The following ADAMTS19 variants were observed in gnomAD, a reference collection of about 807,000 sequenced individuals.
ADAMTS19 encodes the protein A disintegrin and metalloproteinase with thrombospondin motifs 19.
ADAMTS19 carries 93 observed loss-of-function variants against 153.3 expected under a neutral mutation model. The observed-to-expected ratio is 0.61, with a 90% confidence interval of 0.51 to 0.72. The LOEUF is 0.72. Among genes scored for constraint, ADAMTS19 ranks in the 30% least tolerant of loss-of-function variants. ADAMTS19 has a pLI of 0.00. For synonymous variants in ADAMTS19, 600 were observed against 556.6 expected, an observed-to-expected ratio of 1.08 and a Z score of -1.10; for missense variants, 1,482 against 1,552.1, an observed-to-expected ratio of 0.95 and a Z score of 0.76.
At chr5:129,589,661 A>G (rs1750001416) in intron 7 of ADAMTS19, among the ~76,000 whole-genome samples, 1 of 152,046 alleles carries the variant, frequency 6.6e-6, no homozygotes, top group Non-Finnish European at 1.5e-5. Context: ...GTGAACTTCA[A>G]ACTCTCTCTC....
chr5:129,670,248 C>T (rs1200111017), intron 16 of ADAMTS19, among the ~76,000 whole-genome samples: 1 of 152,112 alleles, frequency 6.6e-6, no homozygotes, highest in Admixed American at 6.6e-5. Context: ...TAATGTCAAT[C>T]TCCATTGTTA....
intron 8 of ADAMTS19, among the ~76,000 whole-genome samples, chr5:129,606,500 T>C (rs558458404): frequency 6.6e-6 from 1 of 152,350 alleles, no homozygotes; most frequent in South Asian, 2.1e-4. Context: ...ACTCTTGCAG[T>C]ATCCACTTAA....
At chr5:129,622,444 A>C in intron 10 of ADAMTS19, 96 bp downstream of exon 10, 1 of 1,358,922 alleles carries the variant, frequency 7.4e-7, no homozygotes, top group Non-Finnish European at 1.0e-6. Context: ...TGTGGATCAA[A>C]AGCACCCCAA....
intron 9 of ADAMTS19, among the ~76,000 whole-genome samples, chr5:129,621,178 TAATA>T (rs1751762224): frequency 1.3e-5 from 2 of 152,294 alleles, no homozygotes; most frequent in African/African-American, 4.8e-5. Flanking sequence ...GTTTTTTCAT[TAATA>T]AATAGTTTCC....
intron 2 of ADAMTS19, among the ~76,000 whole-genome samples, chr5:129,465,143 C>A (rs376047909): frequency 9.2e-5 from 14 of 152,246 alleles, no homozygotes; most frequent in Admixed American, 7.2e-4. Context: ...CAACACTTTA[C>A]TTTTTAGTTG....
intron 2 of ADAMTS19, among the ~76,000 whole-genome samples, chr5:129,466,176 C>T (rs1049472285): frequency 1.3e-5 from 2 of 152,148 alleles, no homozygotes; most frequent in African/African-American, 4.8e-5. Flanking sequence ...TCTCTACTCT[C>T]AAAAGATGAG....
At chr5:129,521,881 A>T (rs1246732430) in intron 3 of ADAMTS19, among the ~76,000 whole-genome samples, 1 of 152,170 alleles carries the variant, frequency 6.6e-6, no homozygotes, top group Non-Finnish European at 1.5e-5. Flanking sequence ...TATTACTAAA[A>T]GTAAGAAAGG....
At chr5:129,665,630 T>A in intron 16 of ADAMTS19, 51 bp downstream of exon 16, 1 of 1,388,722 alleles carries the variant, frequency 7.2e-7, no homozygotes, top group Non-Finnish European at 1.0e-6. Context: ...CCCAACTCCC[T>A]GCCCTGAGAG....
chr5:129,571,995 A>G (rs951658019), intron 7 of ADAMTS19, among the ~76,000 whole-genome samples: 4 of 151,966 alleles, frequency 2.6e-5, no homozygotes, highest in African/African-American at 9.7e-5. Flanking sequence ...AATACAAAAT[A>G]GACTATTAAT....
intron 18 of ADAMTS19, among the ~76,000 whole-genome samples, chr5:129,686,318 G>A (rs1009554249): frequency 3.9e-5 from 6 of 152,078 alleles, no homozygotes; most frequent in Non-Finnish European, 8.8e-5. Flanking sequence ...GGAATATAAA[G>A]ATATGGGGGC....
At chr5:129,509,367 A>C (rs1751362383) in intron 3 of ADAMTS19, 125 bp downstream of exon 3, 1 of 856,158 alleles carries the variant, frequency 1.2e-6, no homozygotes, top group Non-Finnish European at 1.7e-6. Context: ...AATTAGTAAC[A>C]ATTAAATGTA....
At chr5:129,503,400 T>C (rs1467091457) in intron 2 of ADAMTS19, among the ~76,000 whole-genome samples, 1 of 152,196 alleles carries the variant, frequency 6.6e-6, no homozygotes, top group Non-Finnish European at 1.5e-5. Flanking sequence ...AATACTGAAA[T>C]GATATTTTAT....
intron 13 of ADAMTS19, among the ~76,000 whole-genome samples, chr5:129,650,258 A>C (rs1295061978): frequency 6.6e-6 from 1 of 152,176 alleles, no homozygotes; most frequent in South Asian, 2.1e-4. Flanking sequence ...GTGACAGATC[A>C]TCTGATTTCA....
At chr5:129,577,952 T>C (rs1046147822) in intron 7 of ADAMTS19, among the ~76,000 whole-genome samples, 4 of 149,260 alleles carry the variant, frequency 2.7e-5, no homozygotes, top group Non-Finnish European at 4.4e-5. Context: ...GATTTTCCTC[T>C]TTTTTACTTC....
At chr5:129,730,457 C>T (rs1757389341) in intron 21 of ADAMTS19, among the ~76,000 whole-genome samples, 1 of 152,044 alleles carries the variant, frequency 6.6e-6, no homozygotes, top group African/African-American at 2.4e-5. Flanking sequence ...CATAAAATTC[C>T]ATTATTCTGC....
intron 3 of ADAMTS19, among the ~76,000 whole-genome samples, chr5:129,525,316 TAGTA>T (rs945862081): frequency 2.8e-4 from 42 of 152,254 alleles, no homozygotes; most frequent in African/African-American, 6.3e-4. Flanking sequence ...GCACTTGATA[TAGTA>T]AGTGTCTTTA....
intron 13 of ADAMTS19, among the ~76,000 whole-genome samples, chr5:129,652,708 G>A (rs1336061728): frequency 6.6e-6 from 1 of 152,150 alleles, no homozygotes; most frequent in Non-Finnish European, 1.5e-5. Context: ...ATTTTTATCT[G>A]AATTTTTGCT....
chr5:129,559,125 G>C (rs764458696), intron 7 of ADAMTS19, among the ~76,000 whole-genome samples: 1 of 151,898 alleles, frequency 6.6e-6, no homozygotes, highest in Non-Finnish European at 1.5e-5. Flanking sequence ...ATTACTTTAT[G>C]TATCACTAAA....
chr5:129,549,399 A>T (rs1259361937), intron 6 of ADAMTS19, among the ~76,000 whole-genome samples: 2 of 151,680 alleles, frequency 1.3e-5, no homozygotes, highest in Non-Finnish European at 2.9e-5. Flanking sequence ...TAGGACAAGC[A>T]AATATTAGTG....
Sources: allele counts gnomAD v4.1 joint callset (sites outside exome capture counted in the v4.1 genomes callset), GRCh38; gene constraint gnomAD v4.1.1; transcripts MANE v1.5; gene names NCBI Gene and HGNC (gene_info 2026-07-23, HGNC 2026-07-21).